Variants in GFRA2 observed in about 807,000 individuals in gnomAD.
GFRA2 encodes the protein GDNF family receptor alpha 2.
Under a neutral mutation model 48.3 loss-of-function variants are expected in GFRA2, and 17 were observed. The ratio of observed to expected loss-of-function variants is 0.35; its 90% confidence interval spans 0.24 to 0.53. The LOEUF is 0.53. Among genes scored for constraint, GFRA2 ranks in the 20% least tolerant of loss-of-function variants. The pLI is 0.93. For missense variants in GFRA2, 660 were observed against 637.3 expected (o/e 1.04, Z -0.38); for synonymous variants, 305 against 257.2 (o/e 1.19, Z -1.78).
chr8:21,764,422 C>T (rs1299683076), intron 3 of GFRA2, among the ~76,000 whole-genome samples: 2 of 152,246 alleles, frequency 1.3e-5, no homozygotes, highest in East Asian at 3.8e-4. Context: ...TGCCTTGGGG[C>T]TTAGGATTTC....
chr8:21,756,126 G>A (rs956487904), intron 3 of GFRA2, among the ~76,000 whole-genome samples: 3 of 152,176 alleles, frequency 2.0e-5, no homozygotes, highest in East Asian at 1.9e-4. Flanking sequence ...TTAGGGCTGC[G>A]GCTGCCCCCA....
intron 7 of GFRA2, 123 bp from the exon 8 acceptor site, chr8:21,694,640 C>T (rs922951838): frequency 1.5e-5 from 13 of 855,364 alleles, no homozygotes; most frequent in South Asian, 7.5e-5. Flanking sequence ...CCAGCGCACA[C>T]GGTGAAGAGG....
intron 1 of GFRA2, among the ~76,000 whole-genome samples, chr8:21,808,024 G>C (rs2117121663): frequency 6.6e-6 from 1 of 152,332 alleles, no homozygotes; most frequent in East Asian, 1.9e-4. Flanking sequence ...ATATGAGGTA[G>C]TGTGTGTCAG....
intron 7 of GFRA2, among the ~76,000 whole-genome samples, chr8:21,699,533 A>G (rs554481717): frequency 9.2e-5 from 14 of 152,288 alleles, no homozygotes; most frequent in Non-Finnish European, 1.6e-4. Flanking sequence ...AGTAGCCCCA[A>G]GGGAGTGTCA....
At chr8:21,735,850 A>G (rs1186792212) in intron 4 of GFRA2, among the ~76,000 whole-genome samples, 1 of 151,414 alleles carries the variant, frequency 6.6e-6, no homozygotes, top group African/African-American at 2.4e-5. Flanking sequence ...AAAAAAAAAA[A>G]TTGTAGAGAT....
At chr8:21,783,326 C>T (rs1807106755) in intron 1 of GFRA2, among the ~76,000 whole-genome samples, 4 of 152,114 alleles carry the variant, frequency 2.6e-5, no homozygotes, top group Non-Finnish European at 1.5e-5. Context: ...TAAACCCCAG[C>T]TCCAGCCAGA....
chr8:21,693,195 GTGTC>G lies in GFRA2; in HGVS notation c.*79_*82del. 5 of 1,382,600 alleles carry G rather than the reference GTGTC, an allele frequency of 3.6e-6. No homozygotes were observed. Among genetic ancestry groups the G allele is most frequent in the Non-Finnish European group, 4.9e-6 (5 of 1,012,966 alleles). 85.6% of individuals were successfully genotyped at this position (1,382,600 alleles called of 1,614,324 possible). A position where few individuals can be genotyped will look rare whatever the true frequency, so the allele number is the denominator to read the frequency against. ...AATTTTTTTTTTGCAAGGTGTGTGTGTGTCTGTGTGTGTTTCCATTTCGTCAGGC... is the reference window on the plus strand; with the variant it reads ...AATTTTTTTTTTGCAAGGTGTGTGTGTGTGTGTGTTTCCATTTCGTCAGGC... On this transcript the variant is annotated 3_prime_UTR_variant, in exon 9 of 9. Coordinates refer to ENST00000524240, the MANE Select transcript of GFRA2 (RefSeq NM_001495.5).
chr8:21,741,165 C>T (rs1255565784), intron 4 of GFRA2, among the ~76,000 whole-genome samples: 1 of 152,206 alleles, frequency 6.6e-6, no homozygotes, highest in African/African-American at 2.4e-5. Flanking sequence ...AGTCCAAACT[C>T]CTTGCTGTGG....
intron 4 of GFRA2, among the ~76,000 whole-genome samples, chr8:21,731,153 C>CA (rs1804170737): frequency 6.6e-6 from 1 of 152,158 alleles, no homozygotes; most frequent in South Asian, 2.1e-4. Context: ...CCAACTCCCC[C>CA]AGCGTCACGT....
intron 3 of GFRA2, among the ~76,000 whole-genome samples, chr8:21,762,769 A>C (rs752801672): frequency 1.2e-4 from 18 of 152,342 alleles, no homozygotes; most frequent in Non-Finnish European, 2.5e-4. Flanking sequence ...GAATTTTTTC[A>C]ACCGCTTTTG....
intron 2 of GFRA2, among the ~76,000 whole-genome samples, chr8:21,776,557 A>G (rs989714265): frequency 8.1e-5 from 12 of 147,826 alleles, no homozygotes; most frequent in East Asian, 2.0e-4. Flanking sequence ...TGCAACCTCT[A>G]TCTCCTGGGT....
At chr8:21,739,738 G>A (rs1804657884) in intron 4 of GFRA2, among the ~76,000 whole-genome samples, 1 of 147,152 alleles carries the variant, frequency 6.8e-6, no homozygotes, top group Non-Finnish European at 1.5e-5. Context: ...AACATCCTGG[G>A]CAGGACTTCC....
chr8:21,735,394 G>C (rs1294290571), intron 4 of GFRA2, among the ~76,000 whole-genome samples: 1 of 151,378 alleles, frequency 6.6e-6, no homozygotes, highest in East Asian at 1.9e-4. Flanking sequence ...ACCCCTGCCA[G>C]GCCCCTTGCT....
intron 1 of GFRA2, among the ~76,000 whole-genome samples, chr8:21,786,791 C>A (rs895514396): frequency 1.3e-5 from 2 of 152,138 alleles, no homozygotes; most frequent in South Asian, 4.1e-4. Context: ...CCTAGTCTGG[C>A]GAGCACTTCT....
intron 1 of GFRA2, among the ~76,000 whole-genome samples, chr8:21,787,918 C>T (rs1435006178): frequency 6.6e-6 from 1 of 152,052 alleles, no homozygotes; most frequent in South Asian, 2.1e-4. Flanking sequence ...GATCCCCCTG[C>T]GTCGCCAGCC....
At chr8:21,729,500 C>T (rs1796906361) in intron 4 of GFRA2, among the ~76,000 whole-genome samples, 1 of 152,060 alleles carries the variant, frequency 6.6e-6, no homozygotes, top group Admixed American at 6.6e-5. Flanking sequence ...TGGGAGACGC[C>T]CCCCTGCCCT....
intron 2 of GFRA2, among the ~76,000 whole-genome samples, chr8:21,777,079 C>A (rs939715919): frequency 3.3e-5 from 5 of 152,180 alleles, no homozygotes; most frequent in African/African-American, 4.8e-5. Flanking sequence ...CACTATTTTT[C>A]TCCCTGTTTG....
intron 4 of GFRA2, among the ~76,000 whole-genome samples, chr8:21,717,700 G>A (rs181859864): frequency 6.6e-6 from 1 of 152,282 alleles, no homozygotes; most frequent in African/African-American, 2.4e-5. Context: ...AGACAGAAAA[G>A]CCACCATCTC....
At chr8:21,785,792 G>A (rs1230050039) in intron 1 of GFRA2, among the ~76,000 whole-genome samples, 1 of 152,084 alleles carries the variant, frequency 6.6e-6, no homozygotes. Flanking sequence ...GGGTTATCCA[G>A]CCCAGACCTC....
Sources: allele counts gnomAD v4.1 joint callset (sites outside exome capture counted in the v4.1 genomes callset), GRCh38; gene constraint gnomAD v4.1.1; transcripts MANE v1.5; gene names NCBI Gene and HGNC (gene_info 2026-07-23, HGNC 2026-07-21).